PDGFRA: variants seen among roughly 807,000 people sequenced by gnomAD.
PDGFRA encodes the protein platelet derived growth factor receptor alpha.
PDGFRA carries 25 observed loss-of-function variants against 121.5 expected under a neutral mutation model. That is an observed-to-expected ratio of 0.21 (90% CI 0.15 to 0.29). The LOEUF (loss-of-function observed/expected upper bound fraction) is 0.29. PDGFRA is among the 10% of genes least tolerant of loss of function. PDGFRA has a pLI of 1.00. For missense variants in PDGFRA, 1,008 were observed against 1,345.1 expected (o/e 0.75, Z 3.92); for synonymous variants, 463 against 494.8 (o/e 0.94, Z 0.85).
Position 54,267,633 on chromosome 4 carries a change from A to G in PDGFRA, c.1013A>G (p.Glu338Gly). Reference protein sequence around the residue: ...NLHEVKHFVVEVRAYPPPRIS... With the variant: ...NLHEVKHFVVGVRAYPPPRIS... ...CATGAAGTCAAACATTTTGTTGTAGAGGTGCGGGCCTACCCACCTCCCAGG... is the reference window on the plus strand; with the variant it reads ...CATGAAGTCAAACATTTTGTTGTAGGGGTGCGGGCCTACCCACCTCCCAGG... Residue 338 changes from glutamate (E) to glycine (G), a missense_variant, in exon 7 of 23, where the codon GAG (glutamate) becomes GGG (glycine). Glu to Gly is a moderately conservative substitution (Grantham distance 98). Transcript: ENST00000257290. The G allele has an allele frequency of 6.2e-7, 1 of 1,614,162 alleles. No individual in the cohort carries two copies. Among genetic ancestry groups the G allele is most frequent in the Non-Finnish European group, 8.5e-7 (1 of 1,180,006 alleles).
In PDGFRA at chr4:54,239,206, G is replaced by T. The variant is rs546983175; in HGVS notation, c.-13+9791G>T. 1.1e-4 allele frequency among the ~76,000 whole-genome samples: 16 copies of T among 152,304 alleles called. No individual in the cohort carries two copies. In the South Asian group the frequency reaches 2.9e-3, roughly 28 times the overall value. Reference sequence around the variant, plus strand: ...GATACTCTATATGGTCTAAAAAGGGGAGGAACCCTCAGTCCTGGGAATTAC... The same window carrying T: ...GATACTCTATATGGTCTAAAAAGGGTAGGAACCCTCAGTCCTGGGAATTAC... On this transcript the variant is annotated intron_variant, in intron 1 of 22. Transcript: ENST00000257290.
At chr4:54,276,413 C>G (rs2110304844) in intron 12 of PDGFRA, among the ~76,000 whole-genome samples, 1 of 152,268 alleles carries the variant, frequency 6.6e-6, no homozygotes, top group Admixed American at 6.5e-5. Flanking sequence ...TTGCAATTCC[C>G]CTGTCTTGGT....
intron 1 of PDGFRA, among the ~76,000 whole-genome samples, chr4:54,233,779 C>A (rs537432398): frequency 1.1e-3 from 171 of 152,356 alleles, no homozygotes; most frequent in African/African-American, 4.0e-3. Context: ...GGGCAGGCGC[C>A]GTCTTCTGCG....
At position 54,290,334 on chromosome 4, in the gene PDGFRA, G is replaced by C. The variant is rs1724560647; in HGVS notation, c.2902G>C (p.Asp968His). The change falls in exon 22 of 23, where the codon GAC becomes CAC. Residue 968 changes from aspartate to histidine, a missense_variant. By Grantham distance (81) the Asp-to-His change is moderately conservative (BLOSUM62 -1). This residue lies in a region of PDGFRA where 204 missense variants were observed against 243.0 expected (regional missense o/e 0.84). Coordinates refer to ENST00000257290, the MANE Select transcript of PDGFRA (RefSeq NM_006206.6). ...YKKSYEKIHLDFLKSDHPAVA... is the reference protein window; with the variant it reads ...YKKSYEKIHLHFLKSDHPAVA... Reference sequence around the variant, plus strand: ...ATAGAGTTATGAAAAAATTCACCTGGACTTCCTGAAGAGTGACCATCCTGC... The same window carrying C: ...ATAGAGTTATGAAAAAATTCACCTGCACTTCCTGAAGAGTGACCATCCTGC... The C allele has an allele frequency of 6.2e-7, 1 of 1,612,258 alleles. No individual in the cohort carries two copies. The highest frequency in any genetic ancestry group is 8.5e-7 in the Non-Finnish European group (1 of 1,178,226).
At chr4:54,251,065 CAAAAAAA>C (rs566538469) in intron 1 of PDGFRA, among the ~76,000 whole-genome samples, 4 of 51,858 alleles carry the variant, frequency 7.7e-5, no homozygotes, top group South Asian at 6.4e-4. Flanking sequence ...AACTCCGTCT[CAAAAAAA>C]AAAAAAAAAA....
intron 1 of PDGFRA, among the ~76,000 whole-genome samples, chr4:54,248,297 G>A (rs1318350529): frequency 6.6e-5 from 10 of 152,228 alleles, no homozygotes; most frequent in East Asian, 3.9e-4. Flanking sequence ...GAGGCATCAC[G>A]CTACCTGACT....
intron 5 of PDGFRA, among the ~76,000 whole-genome samples, chr4:54,266,667 A>T (rs545084991): frequency 2.0e-5 from 3 of 152,292 alleles, no homozygotes; most frequent in Admixed American, 6.5e-5. Flanking sequence ...CAAACACCTT[A>T]TATGTGTCAT....
At chr4:54,249,292 C>T (rs1458365870) in intron 1 of PDGFRA, among the ~76,000 whole-genome samples, 1 of 152,032 alleles carries the variant, frequency 6.6e-6, no homozygotes, top group African/African-American at 2.4e-5. Context: ...GGGTATATAC[C>T]CGAAGGATTA....
In PDGFRA at chr4:54,273,533, C is replaced by G. The variant is rs1577724020; in HGVS notation, c.1365-4C>G. ...CCCTATACTTAGGCCCTTTTTCTCT[C>G]TAGATGTAATAATGAAACTTCCTGG... On this transcript the variant is annotated splice_region_variant and splice_polypyrimidine_tract_variant and intron_variant, in intron 9 of 22. Transcript: ENST00000257290. 6.2e-7 allele frequency: 1 copy of G among 1,613,246 alleles called. No homozygotes were observed. The highest frequency in any genetic ancestry group is 1.7e-5 in the Admixed American group (1 of 60,028).
At chr4:54,268,654 A>G (rs919805566) in intron 7 of PDGFRA, among the ~76,000 whole-genome samples, 1 of 151,972 alleles carries the variant, frequency 6.6e-6, no homozygotes, top group Non-Finnish European at 1.5e-5. Context: ...ATGTCTGAGA[A>G]AATGGAATTT....
At chr4:54,243,079 AAGCATGCTCTTG>A (rs1721394746) in intron 1 of PDGFRA, among the ~76,000 whole-genome samples, 1 of 152,170 alleles carries the variant, frequency 6.6e-6, no homozygotes, top group Non-Finnish European at 1.5e-5. Flanking sequence ...AATGAAAAAA[AAGCATGCTCTTG>A]GGCATCCACC....
intron 1 of PDGFRA, among the ~76,000 whole-genome samples, chr4:54,258,218 C>G (rs1489134721): frequency 2.0e-5 from 3 of 152,130 alleles, no homozygotes; most frequent in Non-Finnish European, 4.4e-5. Context: ...AGGGTTCCTG[C>G]AAGAACCCCG....
chr4:54,271,375 G>T (rs1723344489), intron 8 of PDGFRA, among the ~76,000 whole-genome samples: 1 of 152,184 alleles, frequency 6.6e-6, no homozygotes, highest in African/African-American at 2.4e-5. Flanking sequence ...TTTGACCACA[G>T]ATTTAGAAAA....
At chr4:54,232,338 G>A (rs1435004467) in intron 1 of PDGFRA, among the ~76,000 whole-genome samples, 2 of 152,198 alleles carry the variant, frequency 1.3e-5, no homozygotes, top group African/African-American at 2.4e-5. Flanking sequence ...GATGGTTGTC[G>A]TTTGCTGAAG....
intron 19 of PDGFRA, among the ~76,000 whole-genome samples, chr4:54,287,915 C>T (rs999707861): frequency 2.0e-5 from 3 of 152,164 alleles, no homozygotes; most frequent in South Asian, 4.2e-4. Context: ...CACCTGGTGG[C>T]GATTGATGCT....
chr4:54,280,754 ATTT>A lies in PDGFRA; in HGVS notation c.2323+276_2323+278del, dbSNP rs368963999. On this transcript the variant is annotated intron_variant, in intron 16 of 22. Coordinates refer to ENST00000257290, the MANE Select transcript of PDGFRA (RefSeq NM_006206.6). ...TTCTTGGTGTGTTCCTGCAGTAAACATTTTTTAAAAAAAATAATTATTTATTCT... is the reference window on the plus strand; with the variant it reads ...TTCTTGGTGTGTTCCTGCAGTAAACATTTAAAAAAAATAATTATTTATTCT... 2.5e-3 allele frequency: 595 copies of A among 236,602 alleles called. 2 individuals are homozygous for A. Among genetic ancestry groups the A allele is most frequent in the Non-Finnish European group, 3.7e-3 (450 of 122,212 alleles). The allele number at this position is 236,602 out of a possible 1,614,324, so 14.7% of individuals were successfully genotyped here.
intron 1 of PDGFRA, among the ~76,000 whole-genome samples, chr4:54,236,078 T>C (rs1197762180): frequency 6.6e-6 from 1 of 152,206 alleles, no homozygotes; most frequent in East Asian, 1.9e-4. Context: ...TTCCTCTAAG[T>C]TATGGCAAAT....
In PDGFRA at chr4:54,271,324, A is replaced by G. The variant is rs549927999; in HGVS notation, c.1237+576A>G. Among the ~76,000 whole-genome samples the G allele has an allele frequency of 3.3e-5, 5 of 152,346 alleles. No individual in the cohort carries two copies. The East Asian group carries it at 9.7e-4, about 29-fold the overall frequency. On this transcript the variant is annotated intron_variant, in intron 8 of 22. Coordinates refer to ENST00000257290, the MANE Select transcript of PDGFRA (RefSeq NM_006206.6). ...TGAGGTGCGCTCATGTGATCCTCAC[A>G]GTAAAACCTGTGATACAAGCAACAC... is the stretch of plus-strand genomic sequence containing the variant.
At chr4:54,272,935 G>A (rs1284197525) in intron 9 of PDGFRA, among the ~76,000 whole-genome samples, 1 of 152,174 alleles carries the variant, frequency 6.6e-6, no homozygotes, top group Non-Finnish European at 1.5e-5. Flanking sequence ...ATGGGCACAT[G>A]AGCAATGTGT....
Sources: allele counts gnomAD v4.1 joint callset (sites outside exome capture counted in the v4.1 genomes callset), GRCh38; gene constraint gnomAD v4.1.1; regional missense constraint gnomAD v4.1.1; transcripts MANE v1.5; gene names NCBI Gene and HGNC (gene_info 2026-07-23, HGNC 2026-07-21).